CNTN5: variants seen among roughly 807,000 people sequenced by gnomAD.
CNTN5 encodes the protein contactin 5, also known as contactin-5.
Under a neutral mutation model 129.1 loss-of-function variants are expected in CNTN5, and 77 were observed. That is an observed-to-expected ratio of 0.60 (90% CI 0.50 to 0.72). The LOEUF (loss-of-function observed/expected upper bound fraction) is 0.72. Ranked by LOEUF, CNTN5 falls within the 30% of genes least tolerant of loss-of-function variation. The pLI, the probability that CNTN5 is intolerant of heterozygous loss-of-function variation, is 0.00. For synonymous variants in CNTN5, 509 were observed against 465.6 expected, an observed-to-expected ratio of 1.09 and a Z score of -1.20; for missense variants, 1,478 against 1,328.8, an observed-to-expected ratio of 1.11 and a Z score of -1.75.
chr11:99,596,790 A>C (rs552261814), intron 3 of CNTN5, among the ~76,000 whole-genome samples: 2 of 152,300 alleles, frequency 1.3e-5, no homozygotes, highest in South Asian at 4.1e-4. Flanking sequence ...CAGGCTATAA[A>C]ACTAAAGATG....
At chr11:99,931,004 A>G (rs1194495303) in intron 7 of CNTN5, among the ~76,000 whole-genome samples, 1 of 152,096 alleles carries the variant, frequency 6.6e-6, no homozygotes, top group South Asian at 2.1e-4. Flanking sequence ...TAAATTATAT[A>G]CTCTCAAATT....
chr11:99,714,336 A>G (rs1394741452), intron 3 of CNTN5, among the ~76,000 whole-genome samples: 4 of 152,066 alleles, frequency 2.6e-5, no homozygotes, highest in East Asian at 1.9e-4. Context: ...CAAGCTACAT[A>G]GCATTGAATT....
At chr11:99,576,921 G>A (rs762840589) in intron 3 of CNTN5, among the ~76,000 whole-genome samples, 1 of 152,106 alleles carries the variant, frequency 6.6e-6, no homozygotes, top group Non-Finnish European at 1.5e-5. Context: ...AGATTTGAGG[G>A]TATATGCATT....
chr11:99,073,833 C>T (rs891479550), intron 1 of CNTN5, among the ~76,000 whole-genome samples: 15 of 152,228 alleles, frequency 9.9e-5, no homozygotes, highest in African/African-American at 3.4e-4. Context: ...CTGCAGTAAA[C>T]ATATGTGTGC....
chr11:99,244,323 T>G (rs897981981), intron 1 of CNTN5, among the ~76,000 whole-genome samples: 1 of 152,214 alleles, frequency 6.6e-6, no homozygotes, highest in African/African-American at 2.4e-5. Context: ...GAAACATTAC[T>G]GAAGTTGTTT....
At chr11:99,760,415 T>A (rs563653819) in intron 3 of CNTN5, among the ~76,000 whole-genome samples, 51 of 152,216 alleles carry the variant, frequency 3.4e-4, no homozygotes, top group African/African-American at 1.2e-3. Context: ...ATAGGATATA[T>A]GTTCTAAAAC....
rs373760478 is a variant in CNTN5, at chr11:99,384,301, C to T, written c.-71+58817C>T. Among the ~76,000 whole-genome samples the T allele has an allele frequency of 2.0e-5, 3 of 152,136 alleles. No individual in the cohort carries two copies. The East Asian group carries it at 5.8e-4, about 29-fold the overall frequency. ...AAATAATGCATCCCTTGGTGGCATC[C>T]TTCACTTTTAAACAATTTGGGCAAA... On this transcript the variant is annotated intron_variant, in intron 2 of 24. Transcript: ENST00000524871.
At chr11:100,296,440 C>T (rs910114998) in intron 18 of CNTN5, among the ~76,000 whole-genome samples, 7 of 151,426 alleles carry the variant, frequency 4.6e-5, no homozygotes, top group African/African-American at 1.7e-4. Context: ...AGATGAACTC[C>T]ACATATGAAT....
chr11:100,237,646 A>AG (rs1949650188), intron 16 of CNTN5, among the ~76,000 whole-genome samples: 1 of 152,226 alleles, frequency 6.6e-6, no homozygotes, highest in Admixed American at 6.5e-5. Flanking sequence ...GTGAAAGAGT[A>AG]GGGGAAAAAA....
At chr11:99,972,736 C>G (rs11222108) in intron 8 of CNTN5, among the ~76,000 whole-genome samples, 10,552 of 152,134 alleles carry the variant, frequency 0.069, 768 homozygotes, top group East Asian at 0.31. Flanking sequence ...TCTGGACATA[C>G]CTAGAGAGGG....
In CNTN5 at chr11:99,671,879, C is replaced by T. The variant is rs117950562; in HGVS notation, c.55+115610C>T. Among the ~76,000 whole-genome samples the T allele has an allele frequency of 4.0e-3, 612 of 152,182 alleles. 1 individual carries two copies. Among genetic ancestry groups the T allele is most frequent in the Non-Finnish European group, 6.5e-3 (441 of 67,986 alleles). ...GTTAAAGAAATACTATACCTGTGTG[C>T]GCACGCATACATAATAATTCACACA... On this transcript the variant is annotated intron_variant, in intron 3 of 24. Coordinates refer to ENST00000524871, the MANE Select transcript of CNTN5 (RefSeq NM_014361.4).
intron 3 of CNTN5, among the ~76,000 whole-genome samples, chr11:99,643,203 A>G (rs1951832990): frequency 6.7e-6 from 1 of 150,366 alleles, no homozygotes; most frequent in Non-Finnish European, 1.5e-5. Context: ...CAAAATCTCA[A>G]TAATGGGGAA....
chr11:99,508,408 G>T (rs1443637638), intron 2 of CNTN5, among the ~76,000 whole-genome samples: 2 of 152,066 alleles, frequency 1.3e-5, no homozygotes, highest in African/African-American at 4.8e-5. Flanking sequence ...TGGAACCCGT[G>T]GACACAGAGG....
intron 1 of CNTN5, among the ~76,000 whole-genome samples, chr11:99,105,731 T>C (rs1463752071): frequency 6.6e-6 from 1 of 152,070 alleles, no homozygotes; most frequent in Non-Finnish European, 1.5e-5. Context: ...AAACCTTAGA[T>C]TGAGTCTGGG....
At chr11:99,337,932 C>T (rs182775617) in intron 2 of CNTN5, among the ~76,000 whole-genome samples, 1 of 152,174 alleles carries the variant, frequency 6.6e-6, no homozygotes, top group Non-Finnish European at 1.5e-5. Flanking sequence ...GAAATGACTA[C>T]TATCACATTA....
At position 99,903,785 on chromosome 11, in the gene CNTN5, T is replaced by C. The variant is rs565678302; in HGVS notation, c.578-12269T>C. Among the ~76,000 whole-genome samples the C allele has an allele frequency of 2.0e-5, 3 of 152,316 alleles. No homozygotes were observed. In the South Asian group the frequency reaches 6.2e-4, roughly 32 times the overall value. ...AACTATTCATCTGACAAAGGATTAATATCCAGAATATCCAAGGAACTGAAA... is the reference window on the plus strand; with the variant it reads ...AACTATTCATCTGACAAAGGATTAACATCCAGAATATCCAAGGAACTGAAA... On this transcript the variant is annotated intron_variant, in intron 6 of 24. Coordinates refer to ENST00000524871, the MANE Select transcript of CNTN5 (RefSeq NM_014361.4).
At chr11:99,395,292 T>C (rs955085384) in intron 2 of CNTN5, among the ~76,000 whole-genome samples, 1 of 152,014 alleles carries the variant, frequency 6.6e-6, no homozygotes, top group Admixed American at 6.6e-5. Context: ...TAATGATCGG[T>C]GGTGTCGAGC....
At chr11:99,735,030 T>C (rs1320708957) in intron 3 of CNTN5, among the ~76,000 whole-genome samples, 1 of 148,766 alleles carries the variant, frequency 6.7e-6, no homozygotes, top group Non-Finnish European at 1.5e-5. Context: ...AAAACAAAAG[T>C]TCTGTAACCC....
At chr11:100,008,449 A>G (rs1224190177) in intron 9 of CNTN5, among the ~76,000 whole-genome samples, 4 of 152,112 alleles carry the variant, frequency 2.6e-5, no homozygotes, top group Admixed American at 1.3e-4. Flanking sequence ...CATTTCATAA[A>G]TATAGTAGAC....
Sources: gnomAD v4.1 joint callset for allele counts (sites outside exome capture counted in the v4.1 genomes callset) on GRCh38, gnomAD v4.1.1 for gene constraint, MANE v1.5 for transcripts, NCBI Gene and HGNC (gene_info 2026-07-23, HGNC 2026-07-21) for gene names.